Variants in AGBL4 observed in about 807,000 individuals in gnomAD.
The protein encoded by AGBL4 is cytosolic carboxypeptidase 6.
A neutral mutation model predicts 66.4 loss-of-function variants in AGBL4; 58 were observed. That is an observed-to-expected ratio of 0.87 (90% CI 0.71 to 1.09). The LOEUF (loss-of-function observed/expected upper bound fraction) is 1.09, where lower values mean the gene tolerates loss of function less well. Ranked by LOEUF, AGBL4 falls within the 50% of genes least tolerant of loss-of-function variation. AGBL4 has a pLI of 0.00. For synonymous variants in AGBL4, 234 were observed against 222.9 expected (o/e 1.05, Z -0.44); for missense variants, 579 against 631.0 (o/e 0.92, Z 0.88).
intron 3 of AGBL4, among the ~76,000 whole-genome samples, chr1:49,614,256 C>A (rs566285911): frequency 4.5e-4 from 68 of 152,222 alleles, no homozygotes; most frequent in African/African-American, 1.2e-3. Flanking sequence ...AATTTTAATA[C>A]TATAGACTAG....
At chr1:48,997,412 G>C (rs1043659880) in intron 5 of AGBL4, among the ~76,000 whole-genome samples, 1 of 152,106 alleles carries the variant, frequency 6.6e-6, no homozygotes, top group Non-Finnish European at 1.5e-5. Context: ...TTATCATATG[G>C]CTTCTTTTTT....
chr1:48,810,349 T>C (rs888401842), intron 6 of AGBL4, among the ~76,000 whole-genome samples: 2 of 152,222 alleles, frequency 1.3e-5, no homozygotes, highest in South Asian at 4.1e-4. Context: ...GATGATTTCT[T>C]TTACTCATCC....
At chr1:48,996,367 G>A (rs530941020) in intron 5 of AGBL4, among the ~76,000 whole-genome samples, 1 of 152,310 alleles carries the variant, frequency 6.6e-6, no homozygotes, top group South Asian at 2.1e-4. Flanking sequence ...CTGGGGAAGA[G>A]CAAAGAAAAG....
At chr1:49,872,100 G>C (rs997835232) in intron 1 of AGBL4, among the ~76,000 whole-genome samples, 1 of 152,060 alleles carries the variant, frequency 6.6e-6, no homozygotes, top group African/African-American at 2.4e-5. Context: ...ATAATATTTT[G>C]TGATTTTTTT....
At chr1:49,715,498 G>A (rs1648044679) in intron 2 of AGBL4, among the ~76,000 whole-genome samples, 1 of 152,110 alleles carries the variant, frequency 6.6e-6, no homozygotes, top group Non-Finnish European at 1.5e-5. Context: ...GGATTGCTGG[G>A]TCAAATGGTA....
intron 6 of AGBL4, among the ~76,000 whole-genome samples, chr1:48,683,988 A>C (rs1646493235): frequency 6.6e-6 from 1 of 152,226 alleles, no homozygotes; most frequent in African/African-American, 2.4e-5. Flanking sequence ...GTCCTGGAAA[A>C]TGTGCCCAGA....
At chr1:49,022,943 A>G (rs1160305519) in intron 5 of AGBL4, among the ~76,000 whole-genome samples, 2 of 152,164 alleles carry the variant, frequency 1.3e-5, no homozygotes, top group Non-Finnish European at 2.9e-5. Context: ...AGTTTAATGA[A>G]CTTGTCCAGA....
intron 3 of AGBL4, among the ~76,000 whole-genome samples, chr1:49,450,387 T>G (rs1204942916): frequency 6.6e-6 from 1 of 152,038 alleles, no homozygotes; most frequent in African/African-American, 2.4e-5. Flanking sequence ...ATACCAATAT[T>G]TAAAAGTTGA....
intron 2 of AGBL4, among the ~76,000 whole-genome samples, chr1:49,770,626 C>T (rs1644028115): frequency 1.3e-5 from 2 of 152,132 alleles, no homozygotes; most frequent in Non-Finnish European, 1.5e-5. Context: ...TAGAATTCAG[C>T]AGTGAAGCTA....
chr1:49,783,891 A>G (rs1644392769), intron 2 of AGBL4, among the ~76,000 whole-genome samples: 1 of 152,166 alleles, frequency 6.6e-6, no homozygotes, highest in Non-Finnish European at 1.5e-5. Context: ...TAAGAAAACA[A>G]TTACATTGGC....
At chr1:48,874,542 C>G (rs945342939) in intron 5 of AGBL4, among the ~76,000 whole-genome samples, 1 of 151,980 alleles carries the variant, frequency 6.6e-6, no homozygotes, top group Non-Finnish European at 1.5e-5. Flanking sequence ...AAGGAGGGTG[C>G]CAAAAATCTC....
intron 1 of AGBL4, among the ~76,000 whole-genome samples, chr1:49,938,186 T>C (rs1479844939): frequency 1.3e-5 from 2 of 151,884 alleles, no homozygotes; most frequent in East Asian, 1.9e-4. Flanking sequence ...CCCACAGAAA[T>C]ACAAACTACC....
chr1:49,438,668 G>A (rs1645958547), intron 3 of AGBL4, among the ~76,000 whole-genome samples: 1 of 152,174 alleles, frequency 6.6e-6, no homozygotes, highest in Admixed American at 6.5e-5. Flanking sequence ...CCTAATTACA[G>A]AAGAGAGATG....
intron 5 of AGBL4, among the ~76,000 whole-genome samples, chr1:49,021,813 C>G (rs549369797): frequency 6.6e-6 from 1 of 152,158 alleles, no homozygotes; most frequent in South Asian, 2.1e-4. Flanking sequence ...CATTTTCTGT[C>G]CTTAGGCCTT....
intron 3 of AGBL4, among the ~76,000 whole-genome samples, chr1:49,695,331 G>A (rs1186658142): frequency 1.3e-5 from 2 of 152,088 alleles, no homozygotes; most frequent in Non-Finnish European, 2.9e-5. Context: ...AAGAATGAAA[G>A]AGGTAATGAA....
chr1:48,621,463 T>C (rs897823096), intron 9 of AGBL4, among the ~76,000 whole-genome samples: 1 of 152,288 alleles, frequency 6.6e-6, no homozygotes. Flanking sequence ...CTTCCATAAT[T>C]TTTTTCTAGT....
chr1:49,725,443 A>C (rs529366911), intron 2 of AGBL4, among the ~76,000 whole-genome samples: 35 of 152,158 alleles, frequency 2.3e-4, no homozygotes, highest in Non-Finnish European at 3.8e-4. Context: ...ATTTATTCTC[A>C]AGCTCATAGG....
At chr1:48,568,097 C>G (rs1394455218) in intron 11 of AGBL4, among the ~76,000 whole-genome samples, 1 of 152,186 alleles carries the variant, frequency 6.6e-6, no homozygotes, top group Non-Finnish European at 1.5e-5. Flanking sequence ...GGCCCTCAAG[C>G]CCCACTGGGT....
At chr1:48,818,954 C>T (rs2148767627) in intron 6 of AGBL4, among the ~76,000 whole-genome samples, 1 of 152,214 alleles carries the variant, frequency 6.6e-6, no homozygotes, top group Admixed American at 6.5e-5. Flanking sequence ...GGAAGCTAGC[C>T]TGCATCATGG....
Sources: gnomAD v4.1 joint callset for allele counts (sites outside exome capture counted in the v4.1 genomes callset) on GRCh38, gnomAD v4.1.1 for gene constraint, MANE v1.5 for transcripts, NCBI Gene and HGNC (gene_info 2026-07-23, HGNC 2026-07-21) for gene names.